The following CLNK variants were observed in gnomAD, a reference collection of about 807,000 sequenced individuals.
CLNK encodes the protein cytokine-dependent hematopoietic cell linker.
Under a neutral mutation model 68.6 loss-of-function variants are expected in CLNK, and 74 were observed. That is an observed-to-expected ratio of 1.08 (90% CI 0.89 to 1.31). The LOEUF is 1.31. CLNK is among the 50% of genes most tolerant of loss of function. CLNK has a pLI of 0.00. For synonymous variants in CLNK, 198 were observed against 172.2 expected, an observed-to-expected ratio of 1.15 and a Z score of -1.17; for missense variants, 553 against 515.3, an observed-to-expected ratio of 1.07 and a Z score of -0.71.
intron 2 of CLNK, among the ~76,000 whole-genome samples, chr4:10,644,762 C>G (rs577236168): frequency 6.6e-6 from 1 of 152,232 alleles, no homozygotes; most frequent in South Asian, 2.1e-4. Context: ...CCTTTTCTCA[C>G]TGACTTCATT....
At chr4:10,588,790 C>A (rs1405515369) in intron 3 of CLNK, among the ~76,000 whole-genome samples, 7 of 151,684 alleles carry the variant, frequency 4.6e-5, no homozygotes, top group Admixed American at 4.6e-4. Flanking sequence ...CTCATAGAGG[C>A]AAATATACAT....
intron 17 of CLNK, among the ~76,000 whole-genome samples, chr4:10,501,684 T>C (rs1422810164): frequency 6.6e-6 from 1 of 152,166 alleles, no homozygotes; most frequent in African/African-American, 2.4e-5. Flanking sequence ...CCCAGCACTT[T>C]GGGAGGCCAA....
chr4:10,653,434 C>T (rs918182962), intron 2 of CLNK, among the ~76,000 whole-genome samples: 4 of 151,866 alleles, frequency 2.6e-5, no homozygotes, highest in Admixed American at 6.6e-5. Flanking sequence ...TTTACAACTG[C>T]CATATGATTA....
chr4:10,648,293 T>G (rs1274272468), intron 2 of CLNK, among the ~76,000 whole-genome samples: 1 of 152,210 alleles, frequency 6.6e-6, no homozygotes, highest in Non-Finnish European at 1.5e-5. Context: ...TAGATGAAAC[T>G]GACCAATTTA....
rs543025474 is a variant in CLNK, at chr4:10,539,036, A to T, written c.602+1458T>A. Among the ~76,000 whole-genome samples, 16 of 152,358 alleles carry T rather than the reference A, an allele frequency of 1.1e-4. No homozygotes were observed. In the South Asian group the frequency reaches 3.3e-3, roughly 32 times the overall value. On this transcript the variant is annotated intron_variant, in intron 11 of 18. Transcript: ENST00000226951. ...CAGAAGCCGAGCAGATGCCAGAATC[A>T]TGCTTCCTGTGCAGCCCATGGAATT...
At chr4:10,553,457 A>T (rs886268873) in intron 8 of CLNK, among the ~76,000 whole-genome samples, 4 of 149,128 alleles carry the variant, frequency 2.7e-5, no homozygotes, top group East Asian at 4.0e-4. Context: ...TTTTTATTTT[A>T]TTTTTTTTTT....
Position 10,564,656 on chromosome 4 carries a change from C to T in CLNK, c.399+15G>A. ...CCTACACATGTTTGTGTCACAATGT[C>T]CAGTCTTTACTCACTCTTTCCAACC... On this transcript the variant is annotated intron_variant, in intron 7 of 18. Transcript: ENST00000226951. The T allele has an allele frequency of 6.4e-7, 1 of 1,555,668 alleles. No individual in the cohort carries two copies. Among genetic ancestry groups the T allele is most frequent in the Non-Finnish European group, 8.9e-7 (1 of 1,127,012 alleles).
chr4:10,664,056 A>G (rs1292120659), intron 2 of CLNK, among the ~76,000 whole-genome samples: 1 of 152,206 alleles, frequency 6.6e-6, no homozygotes, highest in East Asian at 1.9e-4. Flanking sequence ...AGTCTGAGCT[A>G]TTTTGTTATA....
At chr4:10,547,482 C>A (rs891568597) in intron 8 of CLNK, among the ~76,000 whole-genome samples, 1 of 152,062 alleles carries the variant, frequency 6.6e-6, no homozygotes, top group South Asian at 2.1e-4. Context: ...ATTTTATTTT[C>A]TTTTTTTGGT....
At chr4:10,656,952 A>G (rs923183316) in intron 2 of CLNK, among the ~76,000 whole-genome samples, 8 of 152,224 alleles carry the variant, frequency 5.3e-5, no homozygotes, top group African/African-American at 1.9e-4. Context: ...AAAACAGACT[A>G]TAGAACAATC....
At chr4:10,703,941 C>G in the CLNK span, among the ~76,000 whole-genome samples, 1 of 152,110 alleles carries the variant, frequency 6.6e-6, no homozygotes, top group African/African-American at 2.4e-5. Context: ...TTCATTATAT[C>G]CTGAGCACCT....
At chr4:10,724,258 C>T in the CLNK span, among the ~76,000 whole-genome samples, 1 of 152,116 alleles carries the variant, frequency 6.6e-6, no homozygotes, top group Admixed American at 6.5e-5. Flanking sequence ...ATGCTTTCTG[C>T]TGGATACCTG....
the CLNK span, among the ~76,000 whole-genome samples, chr4:10,731,446 T>TC: frequency 1.3e-5 from 2 of 152,218 alleles, no homozygotes; most frequent in African/African-American, 4.8e-5. Context: ...CATCTTTTGT[T>TC]CCTTAGTTTC....
intron 2 of CLNK, among the ~76,000 whole-genome samples, chr4:10,665,494 T>C (rs1177722007): frequency 6.6e-6 from 1 of 151,940 alleles, no homozygotes; most frequent in Non-Finnish European, 1.5e-5. Flanking sequence ...TGAAACCCTG[T>C]CTCTACTAAA....
At chr4:10,532,012 C>T (rs1429621374) in intron 12 of CLNK, among the ~76,000 whole-genome samples, 1 of 152,238 alleles carries the variant, frequency 6.6e-6, no homozygotes, top group African/African-American at 2.4e-5. Context: ...TGGGCACGTT[C>T]TTCCTATAAC....
At chr4:10,512,843 C>T (rs1344011933) in intron 16 of CLNK, among the ~76,000 whole-genome samples, 1 of 150,948 alleles carries the variant, frequency 6.6e-6, no homozygotes, top group Non-Finnish European at 1.5e-5. Context: ...ACTTTATCCC[C>T]CCCACCATAG....
At chr4:10,727,493 T>C in the CLNK span, among the ~76,000 whole-genome samples, 1 of 152,230 alleles carries the variant, frequency 6.6e-6, no homozygotes, top group Non-Finnish European at 1.5e-5. Flanking sequence ...AGTTTCCTCC[T>C]CTGTTAAATG....
At chr4:10,525,550 T>G (rs149889998) in intron 14 of CLNK, among the ~76,000 whole-genome samples, 1,672 of 152,348 alleles carry the variant, frequency 0.011, 13 homozygotes, top group Middle Eastern at 0.02. Context: ...AACAAACTTT[T>G]CCTCCCAGGT....
At chr4:10,726,788 T>A in the CLNK span, among the ~76,000 whole-genome samples, 1 of 152,134 alleles carries the variant, frequency 6.6e-6, no homozygotes, top group East Asian at 1.9e-4. Flanking sequence ...AACCACATGG[T>A]TTAGAATCCC....
Sources: allele counts gnomAD v4.1 joint callset (sites outside exome capture counted in the v4.1 genomes callset), GRCh38; gene constraint gnomAD v4.1.1; transcripts MANE v1.5; gene names NCBI Gene and HGNC (gene_info 2026-07-23, HGNC 2026-07-21).